PHF12: variants seen among roughly 807,000 people sequenced by gnomAD.
PHF12 encodes PHD factor 1.
PHF12 carries 6 observed loss-of-function variants against 99.8 expected under a neutral mutation model. The observed-to-expected ratio is 0.06, with a 90% CI of 0.03 to 0.12. PHF12 has a LOEUF of 0.12. Among genes scored for constraint, PHF12 ranks in the 10% least tolerant of loss-of-function variants. PHF12 has a pLI of 1.00. For synonymous variants in PHF12, 480 were observed against 514.9 expected (o/e 0.93, Z 0.92); for missense variants, 954 against 1,300.1 (o/e 0.73, Z 4.09).
Position 28,912,611 on chromosome 17 carries a change from A to G in PHF12, c.1960T>C (p.Leu654=). The G allele has an allele frequency of 6.2e-7, 1 of 1,614,174 alleles. No homozygotes were observed. Among genetic ancestry groups the G allele is most frequent in the Non-Finnish European group, 8.5e-7 (1 of 1,180,030 alleles). Residue 654 remains leucine, a synonymous_variant, in exon 9 of 15, where the codon TTG becomes CTG. Coordinates refer to ENST00000332830, the MANE Select transcript of PHF12 (RefSeq NM_001033561.2). ...KTVQSQIGPP[L]TDSRPLGSPP... Reference sequence around the variant, plus strand: ...GAGCCCAGTGGCCTTGAATCTGTCAACGGAGGTCCTATCTGTGATTGGACA... The same window carrying G: ...GAGCCCAGTGGCCTTGAATCTGTCAGCGGAGGTCCTATCTGTGATTGGACA...
intron 2 of PHF12, among the ~76,000 whole-genome samples, chr17:28,928,453 GC>G (rs1398298406): frequency 3.9e-5 from 6 of 152,106 alleles, no homozygotes; most frequent in Non-Finnish European, 8.8e-5. Flanking sequence ...CTCATGCTTT[GC>G]CCATTTCAGC....
intron 11 of PHF12, chr17:28,909,739 T>C: frequency 3.3e-6 from 1 of 304,398 alleles, no homozygotes; most frequent in Non-Finnish European, 6.2e-6. Context: ...TACAGGTGTA[T>C]GCCACCATGC....
rs1375797079 is a variant in PHF12, at chr17:28,912,579, T to C, written c.1992A>G (p.Pro664=). Residue 664 remains proline, a synonymous_variant, in exon 9 of 15, where the codon CCA becomes CCG. Transcript: ENST00000332830. ...LTDSRPLGSP[P]NATRVLTPPQ... ...GGGGAGTGAGCACCCGGGTGGCGTT[T>C]GGGGGTGAGCCCAGTGGCCTTGAAT... The C allele has an allele frequency of 1.9e-6, 3 of 1,614,068 alleles. No individual in the cohort carries two copies. The highest frequency in any genetic ancestry group is 2.7e-5 in the African/African-American group (2 of 74,922).
At chr17:28,921,289 A>C (rs553780882) in intron 5 of PHF12, among the ~76,000 whole-genome samples, 2 of 152,254 alleles carry the variant, frequency 1.3e-5, no homozygotes, top group East Asian at 3.9e-4. Flanking sequence ...AAGCCTCTGG[A>C]GTAGCTGGGA....
At position 28,951,157 on chromosome 17, in the gene PHF12, AG is replaced by A; in HGVS notation, c.-198del. 7.1e-7 allele frequency: 1 copy of A among 1,417,900 alleles called. No homozygotes were observed. The highest frequency in any genetic ancestry group is 9.2e-7 in the Non-Finnish European group (1 of 1,089,246). The allele number at this position is 1,417,900 out of a possible 1,614,324, so 87.8% of individuals were successfully genotyped here. A position where few individuals can be genotyped will look rare whatever the true frequency, so the allele number is the denominator to read the frequency against. On this transcript the variant is annotated 5_prime_UTR_variant, in exon 1 of 15. Coordinates refer to ENST00000332830, the MANE Select transcript of PHF12 (RefSeq NM_001033561.2). Reference sequence around the variant, plus strand: ...GACAGCGTCCTCCCGACGGGCCGCGAGGGGGGAGCGGCCCCTCAGTCCCGGC... The same window carrying A: ...GACAGCGTCCTCCCGACGGGCCGCGAGGGGGAGCGGCCCCTCAGTCCCGGC...
intron 11 of PHF12, 139 bp from the exon 12 acceptor site, chr17:28,909,020 A>C: frequency 1.3e-6 from 1 of 753,062 alleles, no homozygotes; most frequent in Non-Finnish European, 2.2e-6. Context: ...ACTCACATCC[A>C]ACACTGAGCT....
intron 2 of PHF12, among the ~76,000 whole-genome samples, chr17:28,943,987 T>G (rs1296134607): frequency 6.6e-6 from 1 of 152,192 alleles, no homozygotes; most frequent in African/African-American, 2.4e-5. Flanking sequence ...ATTAGACAAT[T>G]TATTGAACAT....
rs369355623 is a variant in PHF12, at chr17:28,917,274, T to C, written c.1134+11A>G. On this transcript the variant is annotated intron_variant, in intron 7 of 14. Coordinates refer to ENST00000332830, the MANE Select transcript of PHF12 (RefSeq NM_001033561.2). ...AGACTACCATCTTGCCTGCACCTGA[T>C]TGTGACTCACCTTCAAGCTTCTTCT... 61 of 1,613,020 alleles carry C rather than the reference T, an allele frequency of 3.8e-5. No homozygotes were observed. Among genetic ancestry groups the C allele is most frequent in the South Asian group, 2.2e-5 (2 of 91,032 alleles).
intron 9 of PHF12, 170 bp from the exon 10 acceptor site, chr17:28,911,407 G>A (rs563473076): frequency 8.7e-4 from 789 of 907,538 alleles, no homozygotes; most frequent in Non-Finnish European, 1.0e-3. Flanking sequence ...GGTGAGGAAG[G>A]GCAGATGGAA....
At chr17:28,920,865 T>C (rs1282451456) in intron 5 of PHF12, among the ~76,000 whole-genome samples, 1 of 146,062 alleles carries the variant, frequency 6.8e-6, no homozygotes, top group East Asian at 2.1e-4. Context: ...CGGGCCATTG[T>C]TTTTATTTAT....
chr17:28,932,001 G>T (rs1447982266), intron 2 of PHF12, among the ~76,000 whole-genome samples: 1 of 152,186 alleles, frequency 6.6e-6, no homozygotes, highest in Non-Finnish European at 1.5e-5. Flanking sequence ...AAAGGTCTTA[G>T]AAAATGATCA....
At chr17:28,929,401 C>T (rs986479680) in intron 2 of PHF12, among the ~76,000 whole-genome samples, 5 of 151,902 alleles carry the variant, frequency 3.3e-5, no homozygotes, top group Non-Finnish European at 5.9e-5. Context: ...CGCCACCATG[C>T]CTGGCAAATT....
At chr17:28,942,887 C>T (rs1484692497) in intron 2 of PHF12, among the ~76,000 whole-genome samples, 1 of 151,732 alleles carries the variant, frequency 6.6e-6, no homozygotes, top group East Asian at 1.9e-4. Flanking sequence ...AGACAACCCA[C>T]AAAATGGAAG....
Position 28,950,022 on chromosome 17 carries a change from G to A in PHF12, c.248+43C>T. On this transcript the variant is annotated intron_variant, in intron 2 of 14. Coordinates refer to ENST00000332830, the MANE Select transcript of PHF12 (RefSeq NM_001033561.2). The surrounding 1 kb of genome is among the most constrained non-coding windows in gnomAD (Gnocchi z 5.7). The stretch of plus-strand genomic sequence containing the variant: ...CAGGCCGGGTGAAGGAATGCGCAGA[G>A]AAGGGTCCGCCAAGAAGCTCCAAAA... 6.6e-7 allele frequency: 1 copy of A among 1,524,290 alleles called. No homozygotes were observed. Among genetic ancestry groups the A allele is most frequent in the Non-Finnish European group, 8.9e-7 (1 of 1,129,194 alleles). 94.4% of individuals were successfully genotyped at this position (1,524,290 alleles called of 1,614,324 possible).
At chr17:28,911,019 C>T (rs896389431) in intron 10 of PHF12, 93 bp downstream of exon 10, 118 of 1,555,520 alleles carry the variant, frequency 7.6e-5, no homozygotes, top group Non-Finnish European at 9.7e-5. Flanking sequence ...ATCAGGTGTC[C>T]CTTCCCTCCC....
chr17:28,911,175 C>A lies in PHF12; in HGVS notation c.2152G>T (p.Ala718Ser), dbSNP rs376979139. 117 of 1,614,036 alleles carry A rather than the reference C, an allele frequency of 7.2e-5. No individual in the cohort carries two copies. The highest frequency in any genetic ancestry group is 9.7e-5 in the Non-Finnish European group (115 of 1,180,022). ...AGGTCCACCATGGCAGTAGAGTTGG[C>A]TGGGAAAGAGGGTACGGTTAAAGCG... is the stretch of plus-strand genomic sequence containing the variant. ...GSALTVPSFP[A>S]NSTAMVDLTN... The change falls in exon 10 of 15, where the codon GCC becomes TCC. Residue 718 changes from alanine to serine, a missense_variant. Physicochemically the swap from Ala to Ser is moderately conservative, Grantham distance 99. Transcript: ENST00000332830.
At position 28,912,993 on chromosome 17, in the gene PHF12, C is replaced by T. The variant is rs147697011; in HGVS notation, c.1578G>A (p.Ala526=). The T allele has an allele frequency of 9.3e-6, 15 of 1,614,206 alleles. No homozygotes were observed. The highest frequency in any genetic ancestry group is 6.7e-5 in the African/African-American group (5 of 75,048). The change falls in exon 9 of 15, where the codon GCG becomes GCA. Residue 526 remains alanine (A), a synonymous_variant. Transcript: ENST00000332830. The stretch of plus-strand genomic sequence containing the variant: ...CACAAGGGGTTTTCTTGGATTTTTC[C>T]GCACAAGAACTGCAGCCGATGTCCT... ...ALEDIGCSSC[A]EKSKKTPCGT...
At chr17:28,919,470 C>T (rs936963816) in intron 5 of PHF12, among the ~76,000 whole-genome samples, 195 bp from the exon 6 acceptor site, 39 of 152,324 alleles carry the variant, frequency 2.6e-4, no homozygotes, top group Admixed American at 1.5e-3. Flanking sequence ...CGATGGCTCA[C>T]GCCTATAATC....
intron 2 of PHF12, among the ~76,000 whole-genome samples, chr17:28,942,307 G>C (rs1303562609): frequency 2.0e-5 from 3 of 152,062 alleles, no homozygotes; most frequent in Non-Finnish European, 4.4e-5. Context: ...TTGAGGCCAG[G>C]ACAGGAGTTC....
Sources: allele counts gnomAD v4.1 joint callset (sites outside exome capture counted in the v4.1 genomes callset), GRCh38; gene constraint gnomAD v4.1.1; non-coding constraint Gnocchi (gnomAD v3.1); transcripts MANE v1.5; gene names NCBI Gene and HGNC (gene_info 2026-07-23, HGNC 2026-07-21).